Variants in SPMIP7 observed in about 807,000 individuals in gnomAD.
SPMIP7 encodes protein SPMIP7.
chr7:50,133,488 T>G, the SPMIP7 span, among the ~76,000 whole-genome samples: 7 of 152,276 alleles, frequency 4.6e-5, no homozygotes, highest in African/African-American at 1.7e-4. Flanking sequence ...GAAGGTCAAA[T>G]GAGCATTTTT....
At chr7:50,110,096 T>C in the SPMIP7 span, among the ~76,000 whole-genome samples, 1 of 152,084 alleles carries the variant, frequency 6.6e-6, no homozygotes, top group Non-Finnish European at 1.5e-5. Flanking sequence ...TAATTCCATA[T>C]CTGAATAAAT....
the SPMIP7 span, chr7:50,120,257 C>T: frequency 1.4e-4 from 22 of 152,226 alleles, no homozygotes; most frequent in Admixed American, 5.2e-4. Flanking sequence ...AAGTTTCTAA[C>T]GAGGTTCCTG....
the SPMIP7 span, among the ~76,000 whole-genome samples, chr7:50,143,804 C>T: frequency 5.3e-5 from 8 of 152,204 alleles, no homozygotes; most frequent in African/African-American, 1.9e-4. Flanking sequence ...CTGTCATACA[C>T]ACTTCTAATC....
the SPMIP7 span, among the ~76,000 whole-genome samples, chr7:50,099,355 G>T: frequency 6.6e-6 from 1 of 152,066 alleles, no homozygotes; most frequent in East Asian, 1.9e-4. Context: ...GAGCATTTTC[G>T]TGACGGTTTT....
the SPMIP7 span, among the ~76,000 whole-genome samples, chr7:50,100,850 A>T: frequency 6.6e-6 from 1 of 151,716 alleles, no homozygotes; most frequent in African/African-American, 2.4e-5. Context: ...TAAATATGAA[A>T]ATAAAATAAA....
the SPMIP7 span, among the ~76,000 whole-genome samples, chr7:50,146,286 T>A: frequency 1.3e-5 from 2 of 152,190 alleles, no homozygotes; most frequent in African/African-American, 4.8e-5. Context: ...CCAAGATCAC[T>A]CATTTCATGA....
chr7:50,127,496 T>C, the SPMIP7 span, among the ~76,000 whole-genome samples: 1 of 151,472 alleles, frequency 6.6e-6, no homozygotes, highest in Non-Finnish European at 1.5e-5. Flanking sequence ...AAACTACCCA[T>C]CTGACAAAGG....
the SPMIP7 span, among the ~76,000 whole-genome samples, chr7:50,148,275 C>T: frequency 0.82 from 123,863 of 151,900 alleles, 50,513 homozygotes; most frequent in East Asian, 0.92. Flanking sequence ...GTCTAATCTT[C>T]CATGAAATGT....
chr7:50,107,651 G>A, the SPMIP7 span, among the ~76,000 whole-genome samples: 1 of 152,212 alleles, frequency 6.6e-6, no homozygotes, highest in Admixed American at 6.5e-5. Flanking sequence ...TGCTTATTTG[G>A]AATCCCAAAA....
At chr7:50,150,943 T>C in the SPMIP7 span, among the ~76,000 whole-genome samples, 1 of 152,216 alleles carries the variant, frequency 6.6e-6, no homozygotes, top group Admixed American at 6.5e-5. Context: ...TACGTTTGTT[T>C]CCAATGGGCA....
chr7:50,137,464 G>A, the SPMIP7 span, among the ~76,000 whole-genome samples: 4 of 151,842 alleles, frequency 2.6e-5, no homozygotes, highest in Non-Finnish European at 4.4e-5. Context: ...ATTACAGTTG[G>A]TACAGTGCCC....
the SPMIP7 span, among the ~76,000 whole-genome samples, chr7:50,113,114 T>C: frequency 2.4e-4 from 36 of 152,190 alleles, no homozygotes; most frequent in African/African-American, 7.9e-4. Flanking sequence ...TTCAAAGGGA[T>C]ATTACCTTTG....
chr7:50,104,441 A>G, the SPMIP7 span: 5 of 1,056,534 alleles, frequency 4.7e-6, no homozygotes, highest in Non-Finnish European at 6.6e-6. Flanking sequence ...GGTGTTATAT[A>G]TAATTAGTTT....
At chr7:50,110,755 TTA>T in the SPMIP7 span, among the ~76,000 whole-genome samples, 1 of 125,474 alleles carries the variant, frequency 8.0e-6, no homozygotes, top group Non-Finnish European at 1.6e-5. Flanking sequence ...ATATGTTATG[TTA>T]TATGATATAG....
At chr7:50,101,381 C>A in the SPMIP7 span, among the ~76,000 whole-genome samples, 6 of 152,304 alleles carry the variant, frequency 3.9e-5, no homozygotes, top group African/African-American at 1.4e-4. Context: ...CACCAACTTG[C>A]CAGCCATGTA....
chr7:50,138,901 C>T, the SPMIP7 span, among the ~76,000 whole-genome samples: 2 of 151,738 alleles, frequency 1.3e-5, no homozygotes, highest in East Asian at 3.9e-4. Flanking sequence ...CAGAAAACTA[C>T]CATTTTATTG....
the SPMIP7 span, among the ~76,000 whole-genome samples, chr7:50,100,812 A>AAAATAAATTAAATAAAT: frequency 7.2e-6 from 1 of 139,278 alleles, no homozygotes; most frequent in Non-Finnish European, 1.5e-5. Flanking sequence ...ATGCCGTCCA[A>AAAATAAATTAAATAAAT]AAATAAATAA....
the SPMIP7 span, among the ~76,000 whole-genome samples, chr7:50,108,875 T>C: frequency 6.6e-6 from 1 of 152,186 alleles, no homozygotes; most frequent in Non-Finnish European, 1.5e-5. Context: ...GATTGGGTTG[T>C]AAAATGCCTC....
At chr7:50,129,187 C>G in the SPMIP7 span, among the ~76,000 whole-genome samples, 1 of 151,342 alleles carries the variant, frequency 6.6e-6, no homozygotes, top group Non-Finnish European at 1.5e-5. Flanking sequence ...GAAAATGGAA[C>G]CAAGTACCTA....
Sources: gnomAD v4.1 joint callset for allele counts (sites outside exome capture counted in the v4.1 genomes callset) on GRCh38, gnomAD v4.1.1 for gene constraint, MANE v1.5 for transcripts, NCBI Gene and HGNC (gene_info 2026-07-23, HGNC 2026-07-21) for gene names.